The following ANK3 variants were observed in gnomAD, a reference collection of about 807,000 sequenced individuals.
The protein encoded by ANK3 is ankyrin 3.
A neutral mutation model predicts 370.9 loss-of-function variants in ANK3; 57 were observed. That is an observed-to-expected ratio of 0.15 (90% confidence interval 0.12 to 0.19). The LOEUF is 0.19. ANK3 is among the 10% of genes least tolerant of loss of function. The probability of loss-of-function intolerance (pLI) is 1.00; values close to 1 mark genes in which losing one functional copy is unlikely to be tolerated. For synonymous variants in ANK3, 1,929 were observed against 1,946.3 expected (o/e 0.99, Z 0.23); for missense variants, 4,439 against 5,302.1 (o/e 0.84, Z 5.06).
At chr10:60,533,555 A>G (rs938115351) in intron 2 of ANK3, among the ~76,000 whole-genome samples, 2 of 152,158 alleles carry the variant, frequency 1.3e-5, no homozygotes, top group African/African-American at 4.8e-5. Flanking sequence ...AGAGTTATCA[A>G]CACTGGAAAA....
At chr10:60,608,230 G>A (rs1431463406) in intron 2 of ANK3, among the ~76,000 whole-genome samples, 1 of 152,140 alleles carries the variant, frequency 6.6e-6, no homozygotes, top group East Asian at 1.9e-4. Context: ...GTAAATGTTA[G>A]CTCCTTTACT....
chr10:60,140,284 G>A, intron 23 of ANK3: 2 of 1,471,528 alleles, frequency 1.4e-6, no homozygotes, highest in Non-Finnish European at 1.9e-6. Context: ...TTTACGGCTG[G>A]GCTATTTGCA....
chr10:60,331,104 C>A lies in ANK3; in HGVS notation c.115-51465G>T, dbSNP rs1376498251. On this transcript the variant is annotated intron_variant, in intron 1 of 43. Transcript: ENST00000280772. ...GGCACAGGGAGGGGAACATTACAAA[C>A]TGGGCCTGTCAGGGGGTCGGGGGCA... 4.7e-5 allele frequency among the ~76,000 whole-genome samples: 7 copies of A among 149,900 alleles called. No homozygotes were observed. In the East Asian group the frequency reaches 1.2e-3, roughly 26 times the overall value.
chr10:60,285,452 G>T (rs1307635635), intron 1 of ANK3, among the ~76,000 whole-genome samples: 1 of 152,112 alleles, frequency 6.6e-6, no homozygotes, highest in Non-Finnish European at 1.5e-5. Context: ...CAGTCATCAA[G>T]TTCCATGACT....
chr10:60,714,133 T>A (rs932765407), intron 1 of ANK3, among the ~76,000 whole-genome samples: 1 of 152,176 alleles, frequency 6.6e-6, no homozygotes, highest in African/African-American at 2.4e-5. Context: ...ATAAATTTTA[T>A]AACCTAGATG....
At chr10:60,691,516 T>A (rs2079352504) in intron 1 of ANK3, among the ~76,000 whole-genome samples, 1 of 152,130 alleles carries the variant, frequency 6.6e-6, no homozygotes, top group South Asian at 2.1e-4. Context: ...ACTAAACGTT[T>A]GCCACTTTTC....
At chr10:60,141,250 T>TA (rs2094543543) in intron 23 of ANK3, among the ~76,000 whole-genome samples, 1 of 152,098 alleles carries the variant, frequency 6.6e-6, no homozygotes. Context: ...CAAATGGGTG[T>TA]TCTGCTTTAT....
At chr10:60,189,772 ACC>A (rs2096436967) in intron 16 of ANK3, among the ~76,000 whole-genome samples, 1 of 152,358 alleles carries the variant, frequency 6.6e-6, no homozygotes, top group South Asian at 2.1e-4. Flanking sequence ...GATGTAGAGG[ACC>A]AAGTGCTTGC....
rs576009459 is a variant in ANK3 at position 60,490,974 on chromosome 10, T to C, written c.96+124212A>G. ...TGCTCAGGCCACCACTGATCTGATTTATAGAACTAAGATTAACTTTGCCTG... is the reference window on the plus strand; with the variant it reads ...TGCTCAGGCCACCACTGATCTGATTCATAGAACTAAGATTAACTTTGCCTG... On this transcript the variant is annotated intron_variant, in intron 2 of 43. Coordinates refer to the ANK3 transcript ENST00000373827. Among the ~76,000 whole-genome samples the C allele has an allele frequency of 7.2e-5, 11 of 152,336 alleles. No individual in the cohort carries two copies. The South Asian group carries it at 2.3e-3, about 32-fold the overall frequency.
intron 2 of ANK3, among the ~76,000 whole-genome samples, chr10:60,553,271 C>T (rs2077131050): frequency 6.6e-6 from 1 of 150,488 alleles, no homozygotes; most frequent in African/African-American, 2.4e-5. Flanking sequence ...TAACCTTAGA[C>T]ACGTTTCTTA....
At chr10:60,244,811 A>C (rs576496403) in intron 7 of ANK3, among the ~76,000 whole-genome samples, 1 of 152,346 alleles carries the variant, frequency 6.6e-6, no homozygotes, top group East Asian at 1.9e-4. Flanking sequence ...AAGAGGTTGC[A>C]TCTGCTAACT....
At chr10:60,043,681 T>G in intron 42 of ANK3, 2 of 985,486 alleles carry the variant, frequency 2.0e-6, no homozygotes, top group Non-Finnish European at 2.4e-6. Flanking sequence ...TTCTAACTTT[T>G]AAAGCCTGTG....
intron 1 of ANK3, among the ~76,000 whole-genome samples, chr10:60,675,112 T>C (rs2079108508): frequency 6.6e-6 from 1 of 152,178 alleles, no homozygotes; most frequent in Non-Finnish European, 1.5e-5. Flanking sequence ...TGCATAAGAG[T>C]TATGAGCATA....
chr10:60,083,663 A>C (rs375915090), intron 32 of ANK3, 46 bp from the exon 33 acceptor site: 2 of 1,497,020 alleles, frequency 1.3e-6, no homozygotes, highest in African/African-American at 2.8e-5. Context: ...ATCTGAGTTT[A>C]AAATATTTTG....
chr10:60,033,536 A>AAAC (rs1554812950), intron 43 of ANK3, among the ~76,000 whole-genome samples: 7,449 of 98,096 alleles, frequency 0.076, 80 homozygotes, highest in Non-Finnish European at 0.098. Context: ...AAAAAAAAAA[A>AAAC]AAACTTGGAA....
intron 17 of ANK3, among the ~76,000 whole-genome samples, chr10:60,182,754 C>G (rs924875162): frequency 1.3e-5 from 2 of 152,120 alleles, no homozygotes; most frequent in Non-Finnish European, 2.9e-5. Context: ...CAAGCTGGGA[C>G]TTTTTAATAA....
chr10:60,036,118 C>T lies in ANK3; in HGVS notation c.*20-6292G>A, dbSNP rs139365287. Among the ~76,000 whole-genome samples the T allele has an allele frequency of 3.9e-3, 598 of 152,144 alleles. 4 individuals carry two copies. Among genetic ancestry groups the T allele is most frequent in the African/African-American group, 0.014 (571 of 41,530 alleles). Reference sequence around the variant, plus strand: ...TGCTTAGTAAAGAGGAATAAGGATACCTGTTGTACTAACTTCCTAGGGCTA... The same window carrying T: ...TGCTTAGTAAAGAGGAATAAGGATATCTGTTGTACTAACTTCCTAGGGCTA... On this transcript the variant is annotated intron_variant, in intron 43 of 43. Transcript: ENST00000280772.
intron 2 of ANK3, among the ~76,000 whole-genome samples, chr10:60,537,696 C>T (rs1393858667): frequency 6.6e-6 from 1 of 151,772 alleles, no homozygotes. Context: ...TAAGGTATTG[C>T]ACAAATGAAA....
chr10:60,249,860 C>T (rs2097622238), intron 7 of ANK3, among the ~76,000 whole-genome samples: 1 of 152,168 alleles, frequency 6.6e-6, no homozygotes, highest in Non-Finnish European at 1.5e-5. Flanking sequence ...CCACCAGCTC[C>T]ACAGGTCACG....
Sources: gnomAD v4.1 joint callset for allele counts (sites outside exome capture counted in the v4.1 genomes callset) on GRCh38, gnomAD v4.1.1 for gene constraint, MANE v1.5 for transcripts, NCBI Gene and HGNC (gene_info 2026-07-23, HGNC 2026-07-21) for gene names.